MAPK10: variants seen among roughly 807,000 people sequenced by gnomAD.
MAPK10 encodes the protein JNK3 alpha protein kinase.
A neutral mutation model predicts 59.3 loss-of-function variants in MAPK10; 25 were observed. The ratio of observed to expected loss-of-function variants is 0.42; its 90% confidence interval spans 0.31 to 0.59. The LOEUF (loss-of-function observed/expected upper bound fraction) is 0.59. Among genes scored for constraint, MAPK10 ranks in the 20% least tolerant of loss-of-function variants. The pLI is 0.15. For synonymous variants in MAPK10, 190 were observed against 200.5 expected (o/e 0.95, Z 0.44); for missense variants, 351 against 568.9 (o/e 0.62, Z 3.90).
At chr4:86,504,059 TC>T (rs34994082) in intron 1 of MAPK10, among the ~76,000 whole-genome samples, 149 of 152,040 alleles carry the variant, frequency 9.8e-4, no homozygotes, top group African/African-American at 3.4e-3. Context: ...AAAGTAACAT[TC>T]CCCCCAGCCT....
intron 1 of MAPK10, among the ~76,000 whole-genome samples, chr4:86,376,654 T>G (rs1308135812): frequency 6.6e-6 from 1 of 152,194 alleles, no homozygotes; most frequent in Non-Finnish European, 1.5e-5. Context: ...ATTAAGGACG[T>G]ATATAATTAA....
At chr4:86,413,462 A>G (rs1169325454) in intron 1 of MAPK10, among the ~76,000 whole-genome samples, 1 of 152,122 alleles carries the variant, frequency 6.6e-6, no homozygotes, top group South Asian at 2.1e-4. Context: ...AGGGACATTT[A>G]AGTCTGCAGA....
intron 2 of MAPK10, among the ~76,000 whole-genome samples, chr4:86,234,018 G>A (rs2091935009): frequency 6.6e-6 from 1 of 152,152 alleles, no homozygotes; most frequent in Admixed American, 6.5e-5. Context: ...GTAAAATGAG[G>A]GGCTTATCAA....
chr4:86,085,618 A>C (rs976413852), intron 9 of MAPK10, among the ~76,000 whole-genome samples: 1 of 152,204 alleles, frequency 6.6e-6, no homozygotes, highest in Non-Finnish European at 1.5e-5. Context: ...GAAGATGTGG[A>C]GAAAAGGGAA....
chr4:86,303,344 T>G (rs996882969), intron 2 of MAPK10, among the ~76,000 whole-genome samples: 2 of 152,222 alleles, frequency 1.3e-5, no homozygotes, highest in Non-Finnish European at 2.9e-5. Context: ...TTTCTGTGAC[T>G]TCGACTTTCA....
chr4:86,453,586 C>A (rs1750974548), upstream of MAPK10: 1 of 138,830 alleles, frequency 7.2e-6, no homozygotes, highest in Non-Finnish European at 1.6e-5. Flanking sequence ...CCACCCCACC[C>A]CCACCACAGC....
intron 1 of MAPK10, among the ~76,000 whole-genome samples, chr4:86,525,125 G>A (rs543177073): frequency 2.6e-5 from 4 of 151,852 alleles, no homozygotes; most frequent in African/African-American, 2.4e-5. Context: ...GCGAAACCCC[G>A]TCTCCACCAA....
intron 2 of MAPK10, among the ~76,000 whole-genome samples, chr4:86,229,717 GAA>G (rs56738965): frequency 1.3e-5 from 2 of 150,094 alleles, no homozygotes. Flanking sequence ...TTTATTTTAT[GAA>G]AAAAAAAATC....
chr4:86,042,638 T>C (rs1211157878), intron 11 of MAPK10, among the ~76,000 whole-genome samples: 2 of 152,158 alleles, frequency 1.3e-5, no homozygotes, highest in Non-Finnish European at 2.9e-5. Flanking sequence ...TAGCTTGTTA[T>C]AACTATAAGA....
intron 2 of MAPK10, among the ~76,000 whole-genome samples, chr4:86,283,809 T>A (rs994126825): frequency 7.9e-5 from 12 of 152,232 alleles, no homozygotes; most frequent in Admixed American, 7.9e-4. Flanking sequence ...ATGTCTGTTT[T>A]TCTATTCTTG....
At chr4:86,520,576 G>A (rs1355004346) in intron 1 of MAPK10, among the ~76,000 whole-genome samples, 1 of 151,932 alleles carries the variant, frequency 6.6e-6, no homozygotes, top group African/African-American at 2.4e-5. Flanking sequence ...GCCTCCTTGA[G>A]TAGCTTAATA....
At chr4:86,173,879 G>A (rs775595833) in intron 3 of MAPK10, among the ~76,000 whole-genome samples, 27 of 151,388 alleles carry the variant, frequency 1.8e-4, no homozygotes, top group Middle Eastern at 3.4e-3. Context: ...AAAAAAGCTC[G>A]TCACTGATTA....
chr4:86,366,222 G>A (rs963718818), intron 1 of MAPK10, among the ~76,000 whole-genome samples: 1 of 152,126 alleles, frequency 6.6e-6, no homozygotes, highest in Non-Finnish European at 1.5e-5. Flanking sequence ...AATCAGAGCT[G>A]TGTTTGTCTG....
At chr4:86,040,817 A>G (rs1159542145) in intron 11 of MAPK10, 1 of 152,188 alleles carries the variant, frequency 6.6e-6, no homozygotes, top group Non-Finnish European at 1.5e-5. Flanking sequence ...TGTATGGGAC[A>G]ACATAATCAA....
chr4:86,507,653 T>TATATATATATAC (rs1755880228), intron 1 of MAPK10, among the ~76,000 whole-genome samples: 1 of 88,922 alleles, frequency 1.1e-5, no homozygotes, highest in Non-Finnish European at 2.4e-5. Context: ...TATATATATA[T>TATATATATATAC]ATATATATAT....
At chr4:86,183,493 T>G (rs1414722788) in intron 3 of MAPK10, among the ~76,000 whole-genome samples, 1 of 152,074 alleles carries the variant, frequency 6.6e-6, no homozygotes, top group African/African-American at 2.4e-5. Flanking sequence ...GGCTGCATAG[T>G]ATTCCATGGT....
chr4:86,508,465 C>A (rs1005772662), intron 1 of MAPK10, among the ~76,000 whole-genome samples: 1 of 152,066 alleles, frequency 6.6e-6, no homozygotes, highest in Admixed American at 6.6e-5. Flanking sequence ...GACAAGTGTC[C>A]TTCTGGTTTG....
chr4:86,129,612 C>T (rs192763123), intron 4 of MAPK10, among the ~76,000 whole-genome samples: 2 of 152,150 alleles, frequency 1.3e-5, no homozygotes, highest in African/African-American at 2.4e-5. Context: ...AAGTATCACA[C>T]CAATCAAATA....
intron 11 of MAPK10, among the ~76,000 whole-genome samples, chr4:86,047,267 G>A (rs2042670535): frequency 6.6e-6 from 1 of 152,030 alleles, no homozygotes; most frequent in Admixed American, 6.6e-5. Flanking sequence ...TAGAAAGGAT[G>A]GTCATAAAAG....
Sources: gnomAD v4.1 joint callset for allele counts (sites outside exome capture counted in the v4.1 genomes callset) on GRCh38, gnomAD v4.1.1 for gene constraint, MANE v1.5 for transcripts, NCBI Gene and HGNC (gene_info 2026-07-23, HGNC 2026-07-21) for gene names.